Variants in SNX30 observed in about 807,000 individuals in gnomAD.
SNX30 encodes the protein sorting nexin-30.
A neutral mutation model predicts 46.4 loss-of-function variants in SNX30; 24 were observed. The observed-to-expected ratio is 0.52, with a 90% CI of 0.37 to 0.73. The LOEUF (loss-of-function observed/expected upper bound fraction) is 0.73. SNX30 is among the 30% of genes least tolerant of loss of function. SNX30 has a pLI of 0.00. For missense variants in SNX30, 533 were observed against 555.7 expected (o/e 0.96, Z 0.41); for synonymous variants, 189 against 211.5 (o/e 0.89, Z 0.92).
chr9:112,776,094 ATGTTTTT>A (rs1280767736), intron 1 of SNX30, among the ~76,000 whole-genome samples: 11 of 151,788 alleles, frequency 7.2e-5, no homozygotes, highest in African/African-American at 2.2e-4. Context: ...CTGGTATTTT[ATGTTTTT>A]TGTTTTTTAA....
Position 112,830,752 on chromosome 9 carries a change from G to A in SNX30, c.487G>A (p.Gly163Ser). The A allele has an allele frequency of 1.2e-6, 2 of 1,612,028 alleles. No individual in the cohort carries two copies. The highest frequency in any genetic ancestry group is 1.7e-6 in the Non-Finnish European group (2 of 1,179,530). Residue 163 changes from glycine (G) to serine (S), a missense_variant, in exon 4 of 9, where the codon GGT (glycine) becomes AGT (serine). Gly to Ser is a moderately conservative substitution (Grantham distance 56). Transcript: ENST00000374232. ...TCTTCCCGAGAAGTTTGTGGTAAAAGGTGTTGTGGATCGTTTTTCAGAAGA... is the reference window on the plus strand; with the variant it reads ...TCTTCCCGAGAAGTTTGTGGTAAAAAGTGTTGTGGATCGTTTTTCAGAAGA... Reference protein sequence around the residue: ...PPLPEKFVVKGVVDRFSEEFV... With the variant: ...PPLPEKFVVKSVVDRFSEEFV...
chr9:112,757,614 A>G (rs1839371286), intron 1 of SNX30, among the ~76,000 whole-genome samples: 1 of 152,220 alleles, frequency 6.6e-6, no homozygotes, highest in African/African-American at 2.4e-5. Context: ...CTACATTCCT[A>G]ACAGCGTTGT....
At chr9:112,864,991 A>ACG (rs1564296726) in intron 8 of SNX30, among the ~76,000 whole-genome samples, 1 of 59,530 alleles carries the variant, frequency 1.7e-5, no homozygotes, top group African/African-American at 5.6e-5. Context: ...ATGCGCGTGC[A>ACG]CACACACACA....
At chr9:112,859,645 T>C (rs1439119425) in intron 7 of SNX30, among the ~76,000 whole-genome samples, 1 of 152,200 alleles carries the variant, frequency 6.6e-6, no homozygotes, top group Admixed American at 6.5e-5. Flanking sequence ...AGAGTCTTTC[T>C]CTGTCGCCCA....
rs557889407 is a variant in SNX30, at chr9:112,762,319, C to T, written c.156+11162C>T. On this transcript the variant is annotated intron_variant, in intron 1 of 8. Coordinates refer to ENST00000374232, the MANE Select transcript of SNX30 (RefSeq NM_001012994.2). ...GCACAGAGGCGGGAAGAGCACACAG[C>T]GTGTTTGGGTGGCCGAGTGCAGGCG... is the stretch of plus-strand genomic sequence containing the variant. Among the ~76,000 whole-genome samples, 16 of 152,056 alleles carry T rather than the reference C, an allele frequency of 1.1e-4. 1 individual carries two copies. In the South Asian group the frequency reaches 3.3e-3, roughly 32 times the overall value.
intron 2 of SNX30, among the ~76,000 whole-genome samples, chr9:112,807,052 CTTTTTTTTTTTT>C (rs10554051): frequency 3.3e-4 from 21 of 63,030 alleles, no homozygotes; most frequent in African/African-American, 1.3e-3. Context: ...TCTTTTCTAT[CTTTTTTTTTTTT>C]TTTTTTTTTT....
At chr9:112,857,517 T>G (rs1364164575) in intron 7 of SNX30, among the ~76,000 whole-genome samples, 1 of 152,154 alleles carries the variant, frequency 6.6e-6, no homozygotes, top group East Asian at 1.9e-4. Flanking sequence ...CCCTGCTCAC[T>G]CAGCAGCGTG....
chr9:112,865,200 C>T (rs992044757), intron 8 of SNX30, among the ~76,000 whole-genome samples: 4 of 147,714 alleles, frequency 2.7e-5, no homozygotes, highest in Non-Finnish European at 6.0e-5. Flanking sequence ...ACCACACCCA[C>T]ATACCTCACA....
chr9:112,883,654 T>C (rs1412693909), downstream of SNX30, among the ~76,000 whole-genome samples: 1 of 151,898 alleles, frequency 6.6e-6, no homozygotes, highest in Non-Finnish European at 1.5e-5. Context: ...GGAGATTCTG[T>C]TGGGATAGCT....
In SNX30 at chr9:112,814,360, C is replaced by T. The variant is rs146152034; in HGVS notation, c.349-3345C>T. 3.9e-4 allele frequency among the ~76,000 whole-genome samples: 60 copies of T among 152,318 alleles called. 1 individual carries two copies. The East Asian group carries it at 0.011, about 29-fold the overall frequency. On this transcript the variant is annotated intron_variant, in intron 2 of 8. Coordinates refer to ENST00000374232, the MANE Select transcript of SNX30 (RefSeq NM_001012994.2). ...GGCTCAAGCGATCCTCCCACCTCAG[C>T]GTCCTGAGTAGCAGGGACTACAGGT... is the stretch of plus-strand genomic sequence containing the variant.
Position 112,866,007 on chromosome 9 carries a change from G to A in SNX30, c.1254+1608G>A, listed in dbSNP as rs186483331. ...CCTGGTCCCAGGAGGACCCAACCCT[G>A]GTCTTAAGTACGTGTTTATCTGTCT... On this transcript the variant is annotated intron_variant, in intron 8 of 8. Coordinates refer to ENST00000374232, the MANE Select transcript of SNX30 (RefSeq NM_001012994.2). 6.4e-4 allele frequency among the ~76,000 whole-genome samples: 97 copies of A among 152,162 alleles called. 1 individual carries two copies. Among genetic ancestry groups the A allele is most frequent in the African/African-American group, 2.2e-3 (92 of 41,496 alleles).
In SNX30 at chr9:112,850,880, C is replaced by G. The variant is rs1369015220; in HGVS notation, c.1036C>G (p.Gln346Glu). 37 of 1,613,744 alleles carry G rather than the reference C, an allele frequency of 2.3e-5. No individual in the cohort carries two copies. Among genetic ancestry groups the G allele is most frequent in the Non-Finnish European group, 3.1e-5 (36 of 1,179,922 alleles). Residue 346 changes from glutamine (Q) to glutamate (E), a missense_variant, in exon 7 of 9, where the codon CAA (glutamine) becomes GAA (glutamate). Gln to Glu is a conservative substitution (Grantham distance 29). Coordinates refer to ENST00000374232, the MANE Select transcript of SNX30 (RefSeq NM_001012994.2). ...SMKSVLKKRD[Q>E]VQAEYEAKLE... The stretch of plus-strand genomic sequence containing the variant: ...ACAGAGTGTATTGAAGAAGAGGGAC[C>G]AAGTTCAAGCAGAGTATGAAGCCAA...
downstream of SNX30, among the ~76,000 whole-genome samples, chr9:112,882,217 G>T (rs141279423): frequency 6.6e-6 from 1 of 151,998 alleles, no homozygotes; most frequent in Non-Finnish European, 1.5e-5. Context: ...AGCAATCCTC[G>T]CACATCAGCC....
intron 4 of SNX30, among the ~76,000 whole-genome samples, chr9:112,835,855 G>T (rs1338068145): frequency 6.6e-6 from 1 of 151,904 alleles, no homozygotes; most frequent in East Asian, 1.9e-4. Flanking sequence ...CTGCTCTTCA[G>T]TTTTGCTTGT....
chr9:112,843,225 C>T (rs1051147012), intron 6 of SNX30, among the ~76,000 whole-genome samples: 4 of 152,144 alleles, frequency 2.6e-5, no homozygotes, highest in African/African-American at 7.2e-5. Context: ...GTAATTGAAT[C>T]GGACAATTTG....
At chr9:112,775,433 C>T (rs1839728608) in intron 1 of SNX30, among the ~76,000 whole-genome samples, 1 of 152,092 alleles carries the variant, frequency 6.6e-6, no homozygotes, top group Non-Finnish European at 1.5e-5. Context: ...CAGGTGTGAG[C>T]CACTGTGCCC....
At chr9:112,837,534 G>A (rs1034250066) in intron 5 of SNX30, among the ~76,000 whole-genome samples, 9 of 151,832 alleles carry the variant, frequency 5.9e-5, no homozygotes, top group Admixed American at 3.9e-4. Flanking sequence ...GGAGTGCAGT[G>A]GCACCATCTC....
At chr9:112,750,613 G>GCGGGGC, upstream of SNX30, among the ~76,000 whole-genome samples, 1 of 152,156 alleles carries the variant, frequency 6.6e-6, no homozygotes, top group South Asian at 2.1e-4. Flanking sequence ...CCGGGCGGGG[G>GCGGGGC]CGGGGCCGCG....
At chr9:112,840,084 A>G (rs1476725608) in intron 6 of SNX30, among the ~76,000 whole-genome samples, 3 of 152,232 alleles carry the variant, frequency 2.0e-5, no homozygotes, top group African/African-American at 7.2e-5. Flanking sequence ...TGGAAAATGG[A>G]GCCTCTGGTG....
Sources: allele counts gnomAD v4.1 joint callset (sites outside exome capture counted in the v4.1 genomes callset), GRCh38; gene constraint gnomAD v4.1.1; transcripts MANE v1.5; gene names NCBI Gene and HGNC (gene_info 2026-07-23, HGNC 2026-07-21).